Variants in DPP6 observed in about 807,000 individuals in gnomAD.
DPP6 encodes the protein A-type potassium channel modulatory protein DPP6.
Under a neutral mutation model 122.6 loss-of-function variants are expected in DPP6, and 69 were observed. That is an observed-to-expected ratio of 0.56 (90% confidence interval 0.46 to 0.69). The LOEUF (loss-of-function observed/expected upper bound fraction) is 0.69, where lower values mean the gene tolerates loss of function less well. DPP6 is among the 30% of genes least tolerant of loss of function. The probability of loss-of-function intolerance (pLI) is 0.00; values close to 1 mark genes in which losing one functional copy is unlikely to be tolerated. For missense variants in DPP6, 928 were observed against 1,116.9 expected (o/e 0.83, Z 2.41); for synonymous variants, 418 against 433.1 (o/e 0.97, Z 0.43).
At chr7:154,855,450 T>C (rs902455694) in intron 17 of DPP6, among the ~76,000 whole-genome samples, 2 of 152,160 alleles carry the variant, frequency 1.3e-5, no homozygotes, top group African/African-American at 4.8e-5. Context: ...GAGGAGGGGC[T>C]GGTTTCCCCA....
At chr7:154,811,820 T>A (rs980650422) in intron 16 of DPP6, among the ~76,000 whole-genome samples, 5 of 152,198 alleles carry the variant, frequency 3.3e-5, no homozygotes, top group African/African-American at 1.2e-4. Context: ...CTTGGAAACC[T>A]GTGACAAAAA....
the DPP6 span, among the ~76,000 whole-genome samples, chr7:153,824,213 AC>A: frequency 6.6e-6 from 1 of 151,884 alleles, no homozygotes; most frequent in South Asian, 2.1e-4. Context: ...ACATGGTGAA[AC>A]CCTGTCTCTA....
At chr7:154,082,855 T>C (rs1307051820) in intron 1 of DPP6, among the ~76,000 whole-genome samples, 1 of 143,906 alleles carries the variant, frequency 6.9e-6, no homozygotes, top group African/African-American at 2.6e-5. Context: ...TCTTTTTTTT[T>C]TTTTTTTTTT....
chr7:154,741,518 C>T (rs1842821950), intron 8 of DPP6, among the ~76,000 whole-genome samples: 1 of 152,260 alleles, frequency 6.6e-6, no homozygotes, highest in Non-Finnish European at 1.5e-5. Flanking sequence ...CCAGCACCTT[C>T]TTCTTTTTGC....
rs1274432031 is a variant in DPP6, at chr7:154,379,291, C to A, written c.244-66923C>A. On this transcript the variant is annotated intron_variant, in intron 1 of 25. Coordinates refer to ENST00000377770, the MANE Select transcript of DPP6 (RefSeq NM_130797.4). ...TAAAATGTTGCTGTAAGAATTTACCCCACAAAAATTGATCAATGGGATCAC... is the reference window on the plus strand; with the variant it reads ...TAAAATGTTGCTGTAAGAATTTACCACACAAAAATTGATCAATGGGATCAC... Among the ~76,000 whole-genome samples, 7 of 152,074 alleles carry A rather than the reference C, an allele frequency of 4.6e-5. No individual in the cohort carries two copies. The East Asian group carries it at 1.3e-3, about 29-fold the overall frequency.
chr7:153,774,669 A>G, the DPP6 span, among the ~76,000 whole-genome samples: 1 of 152,182 alleles, frequency 6.6e-6, no homozygotes, highest in East Asian at 1.9e-4. Context: ...GTCGGTATTT[A>G]AGGAATAAAT....
At chr7:154,698,965 A>T (rs1016415480) in intron 7 of DPP6, among the ~76,000 whole-genome samples, 1 of 152,218 alleles carries the variant, frequency 6.6e-6, no homozygotes, top group Non-Finnish European at 1.5e-5. Context: ...AGTAACCTAC[A>T]GACGGGATAA....
At position 154,457,025 on chromosome 7, in the gene DPP6, T is replaced by A. The variant is rs1470207264; in HGVS notation, c.358+10697T>A. On this transcript the variant is annotated intron_variant, in intron 2 of 25. Transcript: ENST00000377770. ...TTTTCAAAGGGAATGCTTCCAGTTT[T>A]TGCCCATTCAGTATGATATTGGCTG... Among the ~76,000 whole-genome samples the A allele has an allele frequency of 1.0e-4, 6 of 59,944 alleles. 1 individual carries two copies. Among genetic ancestry groups the A allele is most frequent in the African/African-American group, 3.3e-4 (6 of 18,100 alleles). The allele number at this position is 59,944 out of a possible 152,430, so 39.3% of individuals were successfully genotyped here.
At position 154,871,132 on chromosome 7, in the gene DPP6, C is replaced by T. The variant is rs534497542; in HGVS notation, c.1814-1492C>T. ...CCTTTCTGAGCTCCTTAGGCCTGGC[C>T]TCCTCCTCCTCCAGCCCACTCTACC... On this transcript the variant is annotated intron_variant, in intron 18 of 25. Transcript: ENST00000377770. Among the ~76,000 whole-genome samples the T allele has an allele frequency of 1.6e-3, 250 of 152,294 alleles. 1 individual carries two copies. The highest frequency in any genetic ancestry group is 5.8e-3 in the African/African-American group (240 of 41,568).
chr7:154,056,481 C>A (rs1215309751), intron 1 of DPP6, among the ~76,000 whole-genome samples: 1 of 152,000 alleles, frequency 6.6e-6, no homozygotes. Flanking sequence ...TTGAACATTT[C>A]TTTTTAGTTT....
At chr7:154,881,106 G>C in intron 21 of DPP6, 164 bp downstream of exon 21, 1 of 1,182,102 alleles carries the variant, frequency 8.5e-7, no homozygotes, top group East Asian at 2.8e-5. Flanking sequence ...GCCGTGGGAG[G>C]TTTCATTTGA....
chr7:154,876,005 C>A lies in DPP6; in HGVS notation c.1983C>A (p.Asp661Glu), dbSNP rs372493523. The A allele has an allele frequency of 1.9e-6, 3 of 1,613,310 alleles. No homozygotes were observed. Among genetic ancestry groups the A allele is most frequent in the Non-Finnish European group, 1.7e-6 (2 of 1,179,708 alleles). The change falls in exon 20 of 26, where the codon GAC (aspartate) becomes GAA (glutamate). Residue 661 changes from aspartate (D) to glutamate (E), a missense_variant. Asp to Glu is a conservative substitution (Grantham distance 45, BLOSUM62 2). Coordinates refer to ENST00000377770, the MANE Select transcript of DPP6 (RefSeq NM_130797.4). ...SSHGAVVVKC[D>E]GRGSGFQGTK... ...ACGGCGCGGTGGTGGTAAAGTGTGA[C>A]GGCCGTGGCAGCGGCTTCCAAGGGA... is the stretch of plus-strand genomic sequence containing the variant.
chr7:154,805,823 G>C (rs1197225881), intron 15 of DPP6, among the ~76,000 whole-genome samples: 1 of 152,210 alleles, frequency 6.6e-6, no homozygotes, highest in South Asian at 2.1e-4. Flanking sequence ...TGAGGAGGGG[G>C]TGTCTGCTGC....
chr7:154,864,145 G>A (rs1056613056), intron 17 of DPP6, among the ~76,000 whole-genome samples: 1 of 152,176 alleles, frequency 6.6e-6, no homozygotes, highest in Non-Finnish European at 1.5e-5. Flanking sequence ...GCCTCTGCGT[G>A]CACACACCAT....
chr7:153,902,562 T>C (rs1206035859), intron 1 of DPP6, among the ~76,000 whole-genome samples: 1 of 152,080 alleles, frequency 6.6e-6, no homozygotes, highest in Non-Finnish European at 1.5e-5. Context: ...AGGCCGGGCG[T>C]GGTGGCTCAC....
the DPP6 span, among the ~76,000 whole-genome samples, chr7:153,836,946 G>T: frequency 6.6e-6 from 1 of 152,168 alleles, no homozygotes; most frequent in Non-Finnish European, 1.5e-5. Context: ...TAAGAGAGTG[G>T]CTGCTGCGGA....
rs36007704 is a variant in DPP6, at chr7:154,863,344, AT to A, written c.1715-4636del. Among the ~76,000 whole-genome samples the A allele has an allele frequency of 9.0e-3, 1,271 of 141,252 alleles. 7 individuals carry two copies. The highest frequency in any genetic ancestry group is 0.017 in the African/African-American group (636 of 38,098). 92.7% of individuals were successfully genotyped at this position (141,252 alleles called of 152,430 possible). A position where few individuals can be genotyped will look rare whatever the true frequency, so the allele number is the denominator to read the frequency against. The stretch of plus-strand genomic sequence containing the variant: ...CAAGATTCTACAATCCTTTCATAGG[AT>A]TTTTTTTTTTTTTTGAGATGGGGGT... On this transcript the variant is annotated intron_variant, in intron 17 of 25. Coordinates refer to ENST00000377770, the MANE Select transcript of DPP6 (RefSeq NM_130797.4). The surrounding 1 kb of genome is among the most constrained non-coding windows in gnomAD (Gnocchi z 4.1).
chr7:153,868,001 C>A, the DPP6 span, among the ~76,000 whole-genome samples: 2 of 150,996 alleles, frequency 1.3e-5, no homozygotes, highest in Admixed American at 6.6e-5. Context: ...GGGATGAAGC[C>A]GACTTGATCA....
chr7:153,791,794 A>G, the DPP6 span, among the ~76,000 whole-genome samples: 2 of 148,348 alleles, frequency 1.3e-5, no homozygotes, highest in Non-Finnish European at 2.9e-5. Context: ...TAGTCCTATA[A>G]TATAACTGAA....
Sources: gnomAD v4.1 joint callset for allele counts (sites outside exome capture counted in the v4.1 genomes callset) on GRCh38, gnomAD v4.1.1 for gene constraint, Gnocchi (gnomAD v3.1) non-coding constraint, MANE v1.5 for transcripts, NCBI Gene and HGNC (gene_info 2026-07-23, HGNC 2026-07-21) for gene names.